The following MCF2L variants were observed in gnomAD, a reference collection of about 807,000 sequenced individuals.
The protein encoded by MCF2L is MCF.2 cell line derived transforming sequence like.
MCF2L carries 97 observed loss-of-function variants against 153.4 expected under a neutral mutation model. That is an observed-to-expected ratio of 0.63 (90% CI 0.54 to 0.75). MCF2L has a LOEUF of 0.75. MCF2L is among the 30% of genes least tolerant of loss of function. MCF2L has a pLI of 0.00. For missense variants in MCF2L, 1,347 were observed against 1,495.2 expected, an observed-to-expected ratio of 0.90 and a Z score of 1.64; for synonymous variants, 659 against 632.2, an observed-to-expected ratio of 1.04 and a Z score of -0.64.
chr13:112,895,109 G>A (rs971617293), intron 1 of MCF2L, among the ~76,000 whole-genome samples: 4 of 152,188 alleles, frequency 2.6e-5, no homozygotes, highest in African/African-American at 9.6e-5. Flanking sequence ...CTTTTGACCT[G>A]GCTTGGTTGC....
intron 13 of MCF2L, among the ~76,000 whole-genome samples, chr13:113,078,050 C>T (rs2033687548): frequency 6.9e-6 from 1 of 144,710 alleles, no homozygotes; most frequent in South Asian, 2.3e-4. Context: ...CTTCCCGCAC[C>T]ACCACCTGTG....
chr13:113,011,877 G>A (rs1594641648), intron 1 of MCF2L, among the ~76,000 whole-genome samples: 3 of 104,750 alleles, frequency 2.9e-5, no homozygotes, highest in African/African-American at 3.5e-5. Context: ...ACTGTGATGC[G>A]GACGGTGGAC....
chr13:112,971,133 G>A (rs2082025590), intron 1 of MCF2L, among the ~76,000 whole-genome samples: 1 of 152,206 alleles, frequency 6.6e-6, no homozygotes, highest in Non-Finnish European at 1.5e-5. Context: ...AAGTTATTAG[G>A]TTGAAGGCTG....
chr13:112,931,559 C>T (rs1004540373), intron 2 of MCF2L, among the ~76,000 whole-genome samples: 1 of 152,146 alleles, frequency 6.6e-6, no homozygotes, highest in Non-Finnish European at 1.5e-5. Flanking sequence ...TGTGCACATC[C>T]CATAGCACAC....
intron 2 of MCF2L, among the ~76,000 whole-genome samples, chr13:112,953,465 C>A (rs943733044): frequency 6.6e-6 from 1 of 152,232 alleles, no homozygotes; most frequent in Non-Finnish European, 1.5e-5. Flanking sequence ...AACAAGCTAA[C>A]CGGTATGCAC....
chr13:113,045,543 C>G lies in MCF2L; in HGVS notation c.369+182C>G. On this transcript the variant is annotated intron_variant, in intron 4 of 29. Coordinates refer to ENST00000535094, the MANE Select transcript of MCF2L (RefSeq NM_001112732.3). This position sits in a 1 kb window ranked among gnomAD's most constrained non-coding sequence, Gnocchi z 4.2. Reference sequence around the variant, plus strand: ...GCTTGGGCTCCCAAGGCACTGGTGCCTGGGTGTGAGTTTTCCCAGATGAAG... The same window carrying G: ...GCTTGGGCTCCCAAGGCACTGGTGCGTGGGTGTGAGTTTTCCCAGATGAAG... 1.7e-6 allele frequency: 1 copy of G among 604,556 alleles called. No homozygotes were observed. The highest frequency in any genetic ancestry group is 3.0e-6 in the Non-Finnish European group (1 of 338,448). The allele number at this position is 604,556 out of a possible 1,614,324, so 37.4% of individuals were successfully genotyped here. A position where few individuals can be genotyped will look rare whatever the true frequency, so the allele number is the denominator to read the frequency against.
At chr13:113,067,006 C>G (rs769240390) in intron 8 of MCF2L, among the ~76,000 whole-genome samples, 3 of 152,242 alleles carry the variant, frequency 2.0e-5, no homozygotes, top group Non-Finnish European at 4.4e-5. Flanking sequence ...AGGGGCTCCT[C>G]GTAGATGGGG....
intron 23 of MCF2L, 122 bp from the exon 24 acceptor site, chr13:113,088,205 C>G (rs575748083): frequency 1.1e-6 from 1 of 870,092 alleles, no homozygotes; most frequent in South Asian, 1.4e-5. Flanking sequence ...CCTCTCCCCT[C>G]ACACGCAGCC....
chr13:112,957,455 G>A (rs2081771943), intron 2 of MCF2L: 1 of 151,468 alleles, frequency 6.6e-6, no homozygotes, highest in South Asian at 2.1e-4. Flanking sequence ...TTTAATCTTG[G>A]TTTGCAGATG....
Position 113,031,962 on chromosome 13 carries a change from G to GCA in MCF2L, c.278+7215_278+7216dup, listed in dbSNP as rs1337985579. Among the ~76,000 whole-genome samples, 1 of 151,862 alleles carries GCA rather than the reference G, an allele frequency of 6.6e-6. No homozygotes were observed. On this transcript the variant is annotated intron_variant, in intron 3 of 29. Transcript: ENST00000535094. The surrounding 1 kb of genome is among the most constrained non-coding windows in gnomAD (Gnocchi z 5.5). Reference sequence around the variant, plus strand: ...TGCATGTGTATAACCACACACGTGCGCACACACACACATGCAAGTGCATGC... The same window carrying GCA: ...TGCATGTGTATAACCACACACGTGCGCACACACACACACATGCAAGTGCATGC...
At chr13:112,952,869 C>T (rs1196303896) in intron 2 of MCF2L, among the ~76,000 whole-genome samples, 2 of 152,160 alleles carry the variant, frequency 1.3e-5, no homozygotes, top group African/African-American at 4.8e-5. Flanking sequence ...TTCCAGCTTC[C>T]TCTCCATCAA....
At chr13:112,995,609 G>C (rs1056817360) in intron 1 of MCF2L, among the ~76,000 whole-genome samples, 4 of 152,208 alleles carry the variant, frequency 2.6e-5, no homozygotes, top group Non-Finnish European at 5.9e-5. Flanking sequence ...CTGGCCTGAA[G>C]TCACCCCCGG....
chr13:113,067,261 G>C (rs1221424364), intron 8 of MCF2L, among the ~76,000 whole-genome samples: 5 of 150,784 alleles, frequency 3.3e-5, no homozygotes, highest in African/African-American at 9.7e-5. Context: ...TGCACAGCTG[G>C]AGTCCCAGCT....
chr13:112,939,968 C>CAAAAAAAAAAAAA (rs34815677), intron 2 of MCF2L, among the ~76,000 whole-genome samples: 1 of 131,830 alleles, frequency 7.6e-6, no homozygotes. Flanking sequence ...GACTCCATCT[C>CAAAAAAAAAAAAA]AAAAAAAAAA....
At position 112,931,833 on chromosome 13, in the gene MCF2L, C is replaced by T. The variant is rs114220689; in HGVS notation, c.169+29462C>T. Among the ~76,000 whole-genome samples the T allele has an allele frequency of 4.8e-3, 735 of 152,146 alleles. 3 individuals are homozygous for T. The highest frequency in any genetic ancestry group is 0.017 in the African/African-American group (709 of 41,482). ...CGTGGATGGGGGCAGGCCAGAGGGA[C>T]GCAGGAACCACCGAACACTCCCCAT... On this transcript the variant is annotated intron_variant, in intron 2 of 29. Coordinates refer to the MCF2L transcript ENST00000375608.
chr13:113,084,882 C>T lies in MCF2L; in HGVS notation c.2062-10C>T, dbSNP rs781729012. On this transcript the variant is annotated splice_polypyrimidine_tract_variant and intron_variant, in intron 18 of 29. Transcript: ENST00000535094. ...TCACTGCGTGATGCGGTGCCTGTCC[C>T]TCGGTGCAGATGGAAGATTTCCAGA... 5 of 1,609,176 alleles carry T rather than the reference C, an allele frequency of 3.1e-6. No individual in the cohort carries two copies. The East Asian group carries it at 1.1e-4, about 36-fold the overall frequency.
Position 113,076,269 on chromosome 13 carries a change from TTA to T in MCF2L, c.1500+114_1500+115del, listed in dbSNP as rs2033466829. 1.3e-5 allele frequency: 11 copies of T among 831,082 alleles called. No homozygotes were observed. The East Asian group carries it at 2.3e-4, about 17-fold the overall frequency. 51.5% of individuals were successfully genotyped at this position (831,082 alleles called of 1,614,324 possible). ...ATGAATTATTTGTATTTATTTATTA[TTA>T]TTTTTTTTTTGAGATGGAATCTCGC... On this transcript the variant is annotated intron_variant, in intron 12 of 29. Transcript: ENST00000535094.
chr13:113,024,525 G>A (rs2085102136), intron 2 of MCF2L, 119 bp from the exon 3 acceptor site: 7 of 639,836 alleles, frequency 1.1e-5, no homozygotes, highest in South Asian at 4.2e-5. Context: ...ATGCAACGAT[G>A]AAGAACATGC....
rs1247084053 is a variant in MCF2L at position 113,045,445 on chromosome 13, G to C, written c.369+84G>C. 8.4e-7 allele frequency: 1 copy of C among 1,189,564 alleles called. No homozygotes were observed. Among genetic ancestry groups the C allele is most frequent in the Non-Finnish European group, 1.2e-6 (1 of 807,902 alleles). The allele number at this position is 1,189,564 out of a possible 1,614,324, so 73.7% of individuals were successfully genotyped here. On this transcript the variant is annotated intron_variant, in intron 4 of 29. Transcript: ENST00000535094. This position sits in a 1 kb window ranked among gnomAD's most constrained non-coding sequence, Gnocchi z 4.2. ...ATGGTGCCCTTCCTCTGTGTCTGCC[G>C]CAGTTCCTGCTTTGTGCTGAGTGGG...
Sources: gnomAD v4.1 joint callset for allele counts (sites outside exome capture counted in the v4.1 genomes callset) on GRCh38, gnomAD v4.1.1 for gene constraint, Gnocchi (gnomAD v3.1) non-coding constraint, MANE v1.5 for transcripts, NCBI Gene and HGNC (gene_info 2026-07-23, HGNC 2026-07-21) for gene names.